The following DGKB variants were observed in gnomAD, a reference collection of about 807,000 sequenced individuals.
The protein encoded by DGKB is diacylglycerol kinase beta.
DGKB carries 67 observed loss-of-function variants against 114.3 expected under a neutral mutation model. The observed-to-expected ratio is 0.59, with a 90% CI of 0.48 to 0.72. The LOEUF (loss-of-function observed/expected upper bound fraction) is 0.72. Among genes scored for constraint, DGKB ranks in the 30% least tolerant of loss-of-function variants. The pLI is 0.00. For missense variants in DGKB, 907 were observed against 975.2 expected (o/e 0.93, Z 0.93); for synonymous variants, 398 against 323.1 (o/e 1.23, Z -2.49).
chr7:14,167,721 A>AC (rs201968315), intron 25 of DGKB, among the ~76,000 whole-genome samples: 4,316 of 152,266 alleles, frequency 0.028, 199 homozygotes, highest in African/African-American at 0.098. Context: ...AACATTGCAA[A>AC]CACTTTGAAA....
intron 1 of DGKB, among the ~76,000 whole-genome samples, chr7:14,842,754 A>G (rs193252214): frequency 0.024 from 789 of 33,330 alleles, 9 homozygotes; most frequent in African/African-American, 0.19. Flanking sequence ...GGCACATTAC[A>G]CACCTGTCTC....
intron 21 of DGKB, among the ~76,000 whole-genome samples, chr7:14,435,508 A>G (rs1829103563): frequency 6.6e-6 from 1 of 152,140 alleles, no homozygotes; most frequent in African/African-American, 2.4e-5. Context: ...ATGTGAGTAT[A>G]GTAAATGATC....
At chr7:14,925,850 A>G (rs1219533078) in intron 1 of DGKB, among the ~76,000 whole-genome samples, 1 of 145,320 alleles carries the variant, frequency 6.9e-6, no homozygotes. Flanking sequence ...TCATTTGCAA[A>G]TAGGAATAAT....
chr7:14,205,847 T>C (rs1786714512), intron 23 of DGKB, among the ~76,000 whole-genome samples: 1 of 152,000 alleles, frequency 6.6e-6, no homozygotes, highest in Admixed American at 6.6e-5. Flanking sequence ...AGAATCTTAC[T>C]ATAGCTTACT....
chr7:14,535,661 T>C (rs1258208174), intron 20 of DGKB, among the ~76,000 whole-genome samples: 1 of 152,102 alleles, frequency 6.6e-6, no homozygotes, highest in Non-Finnish European at 1.5e-5. Context: ...GATCTCAGCT[T>C]ACTGCAACCT....
intron 1 of DGKB, among the ~76,000 whole-genome samples, chr7:14,910,917 A>C (rs1159930276): frequency 3.3e-5 from 5 of 152,142 alleles, no homozygotes; most frequent in African/African-American, 1.2e-4. Flanking sequence ...TGGGGGTGAT[A>C]ATTTAATAAC....
chr7:14,888,817 A>T (rs1374694895), intron 1 of DGKB, among the ~76,000 whole-genome samples: 1 of 151,672 alleles, frequency 6.6e-6, no homozygotes, highest in African/African-American at 2.4e-5. Flanking sequence ...GAAGCTTCTT[A>T]TTTAAATATT....
intron 13 of DGKB, among the ~76,000 whole-genome samples, chr7:14,637,240 T>G (rs1810916966): frequency 6.6e-6 from 1 of 151,964 alleles, no homozygotes; most frequent in Admixed American, 6.6e-5. Flanking sequence ...TGTAATAAAC[T>G]AAGATATATA....
chr7:14,236,629 A>G (rs1376558452), intron 23 of DGKB, among the ~76,000 whole-genome samples: 1 of 152,038 alleles, frequency 6.6e-6, no homozygotes, highest in East Asian at 1.9e-4. Context: ...AGAAAAGTTC[A>G]TAAAATTTTC....
At chr7:14,706,204 C>T (rs1183146279) in intron 6 of DGKB, among the ~76,000 whole-genome samples, 27 of 144,086 alleles carry the variant, frequency 1.9e-4, no homozygotes, top group Non-Finnish European at 3.5e-4. Context: ...CAACAAAGAT[C>T]AAAAGAGACA....
chr7:14,779,301 C>T (rs192725039), intron 2 of DGKB, among the ~76,000 whole-genome samples: 1 of 152,188 alleles, frequency 6.6e-6, no homozygotes, highest in East Asian at 1.9e-4. Flanking sequence ...TTTGGGAGGC[C>T]AAGGCTGGCA....
intron 2 of DGKB, among the ~76,000 whole-genome samples, chr7:14,831,772 G>A (rs1361934232): frequency 6.6e-6 from 1 of 152,032 alleles, no homozygotes; most frequent in Non-Finnish European, 1.5e-5. Flanking sequence ...TCTGGGCAAT[G>A]GTCTTTGTTG....
In DGKB at chr7:14,849,636, T is replaced by C. The variant is rs1425666750; in HGVS notation, c.-187-8186A>G. Reference sequence around the variant, plus strand: ...AGCACAAAACGGACTGAGACAGGAGTCATTTCCTTTGATAACAGGACACAT... The same window carrying C: ...AGCACAAAACGGACTGAGACAGGAGCCATTTCCTTTGATAACAGGACACAT... On this transcript the variant is annotated intron_variant, in intron 1 of 25. Transcript: ENST00000402815. Among the ~76,000 whole-genome samples the C allele has an allele frequency of 2.0e-5, 3 of 151,924 alleles. 1 individual carries two copies. Among genetic ancestry groups the C allele is most frequent in the Admixed American group, 2.0e-4 (3 of 15,246 alleles).
chr7:14,880,153 G>C (rs542188060), intron 1 of DGKB, among the ~76,000 whole-genome samples: 2 of 152,160 alleles, frequency 1.3e-5, no homozygotes, highest in African/African-American at 4.8e-5. Context: ...AGTCAGGAAA[G>C]GGCAGGTTCT....
At chr7:14,184,996 T>A (rs1437582353) in intron 23 of DGKB, among the ~76,000 whole-genome samples, 1 of 152,140 alleles carries the variant, frequency 6.6e-6, no homozygotes, top group African/African-American at 2.4e-5. Context: ...ACCACTACTC[T>A]TCAACATAGT....
intron 23 of DGKB, among the ~76,000 whole-genome samples, chr7:14,312,941 C>A (rs111265753): frequency 2.0e-5 from 3 of 152,176 alleles, no homozygotes; most frequent in African/African-American, 7.2e-5. Flanking sequence ...TATTTGAAAG[C>A]CTGCATAACA....
At chr7:14,621,575 G>C (rs1483100701) in intron 14 of DGKB, 81 bp from the exon 15 acceptor site, 10 of 797,574 alleles carry the variant, frequency 1.3e-5, no homozygotes, top group Non-Finnish European at 2.0e-5. Context: ...ACTAATAGAA[G>C]AGTTTCATGG....
intron 2 of DGKB, chr7:14,815,229 G>T (rs965950362): frequency 6.6e-6 from 1 of 152,194 alleles, no homozygotes. Flanking sequence ...TCAAATGTCA[G>T]CAATCTCTTC....
intron 2 of DGKB, among the ~76,000 whole-genome samples, chr7:14,777,067 T>G (rs922995925): frequency 6.6e-6 from 1 of 152,188 alleles, no homozygotes; most frequent in Non-Finnish European, 1.5e-5. Context: ...TGAGGTTTAA[T>G]GACTGCCCTA....
Sources: gnomAD v4.1 joint callset for allele counts (sites outside exome capture counted in the v4.1 genomes callset) on GRCh38, gnomAD v4.1.1 for gene constraint, MANE v1.5 for transcripts, NCBI Gene and HGNC (gene_info 2026-07-23, HGNC 2026-07-21) for gene names.